Variants in OXCT1 observed in about 807,000 individuals in gnomAD.
OXCT1 encodes the protein succinyl-CoA:3-ketoacid coenzyme A transferase 1, mitochondrial.
Under a neutral mutation model 69.6 loss-of-function variants are expected in OXCT1, and 27 were observed. The observed-to-expected ratio is 0.39, with a 90% CI of 0.29 to 0.54. The LOEUF (loss-of-function observed/expected upper bound fraction) is 0.54, where lower values mean the gene tolerates loss of function less well. Among genes scored for constraint, OXCT1 ranks in the 20% least tolerant of loss-of-function variants. The pLI is 0.72. For missense variants in OXCT1, 437 were observed against 650.2 expected, an observed-to-expected ratio of 0.67 and a Z score of 3.57; for synonymous variants, 202 against 217.8, an observed-to-expected ratio of 0.93 and a Z score of 0.64.
chr5:41,770,131 T>C (rs1375857506), intron 13 of OXCT1, among the ~76,000 whole-genome samples: 1 of 152,246 alleles, frequency 6.6e-6, no homozygotes, highest in East Asian at 1.9e-4. Context: ...TAATACATGA[T>C]AGCTTGTTTT....
At chr5:41,800,696 G>A (rs1344945057) in intron 11 of OXCT1, among the ~76,000 whole-genome samples, 2 of 151,824 alleles carry the variant, frequency 1.3e-5, no homozygotes, top group Admixed American at 6.6e-5. Flanking sequence ...TCCTTTCTTG[G>A]TCTCTTTTAA....
intron 13 of OXCT1, among the ~76,000 whole-genome samples, chr5:41,764,491 T>C (rs1421536230): frequency 6.6e-6 from 1 of 152,166 alleles, no homozygotes; most frequent in East Asian, 1.9e-4. Flanking sequence ...CTGGAAAAGC[T>C]TGTTGCCTAT....
At chr5:41,740,914 G>A (rs1276669783) in intron 15 of OXCT1, among the ~76,000 whole-genome samples, 1 of 150,796 alleles carries the variant, frequency 6.6e-6, no homozygotes, top group Non-Finnish European at 1.5e-5. Context: ...CTCCTCTACA[G>A]TTAACCTAAA....
chr5:41,848,830 T>G (rs954744576), intron 5 of OXCT1, among the ~76,000 whole-genome samples: 1 of 151,982 alleles, frequency 6.6e-6, no homozygotes, highest in African/African-American at 2.4e-5. Flanking sequence ...CCATAAAAAC[T>G]CTAGAAGAAA....
Position 41,850,175 on chromosome 5 carries a change from G to T in OXCT1, c.419C>A (p.Thr140Lys). Residue 140 changes from threonine (T) to lysine (K), a missense_variant, in exon 5 of 17, where the codon ACA (threonine) becomes AAA (lysine). Thr to Lys is a moderately conservative substitution (Grantham distance 78, BLOSUM62 -1). Around this residue, in one of 4 missense-constraint regions of OXCT1, gnomAD observed 252 missense variants for 397.4 expected, o/e 0.63. Coordinates refer to ENST00000196371, the MANE Select transcript of OXCT1 (RefSeq NM_000436.4). Reference sequence around the variant, plus strand: ...GCCTGCACGGATCCTCTCTGCAAGTGTGCCCTGCAAGTGAGCAACCAACAC... The same window carrying T: ...GCCTGCACGGATCCTCTCTGCAAGTTTGCCCTGCAAGTGAGCAACCAACAC... ...ELEVELTPQGTLAERIRAGGA... is the reference protein window; with the variant it reads ...ELEVELTPQGKLAERIRAGGA... The T allele has an allele frequency of 6.2e-7, 1 of 1,613,504 alleles. No individual in the cohort carries two copies. The highest frequency in any genetic ancestry group is 8.5e-7 in the Non-Finnish European group (1 of 1,179,812).
At chr5:41,824,973 T>C (rs1747732462) in intron 7 of OXCT1, among the ~76,000 whole-genome samples, 1 of 152,202 alleles carries the variant, frequency 6.6e-6, no homozygotes, top group Non-Finnish European at 1.5e-5. Flanking sequence ...TCACAATACA[T>C]GGCAAAACTT....
At chr5:41,862,614 A>G in intron 2 of OXCT1, 28 bp downstream of exon 2, 2 of 1,175,486 alleles carry the variant, frequency 1.7e-6, no homozygotes, top group Non-Finnish European at 2.6e-6. Flanking sequence ...GGACATTACC[A>G]TAACATGAAA....
intron 7 of OXCT1, among the ~76,000 whole-genome samples, chr5:41,812,049 T>C (rs898121090): frequency 2.6e-5 from 4 of 152,094 alleles, no homozygotes; most frequent in Admixed American, 6.6e-5. Context: ...TTCATCACAG[T>C]CTGCTGATAA....
intron 13 of OXCT1, among the ~76,000 whole-genome samples, chr5:41,793,285 G>T (rs995863301): frequency 6.6e-6 from 1 of 152,148 alleles, no homozygotes; most frequent in Non-Finnish European, 1.5e-5. Context: ...AAGAGCAACC[G>T]GGCTACCAGC....
chr5:41,793,595 T>A (rs908048545), intron 13 of OXCT1, among the ~76,000 whole-genome samples: 3 of 152,234 alleles, frequency 2.0e-5, no homozygotes, highest in African/African-American at 7.2e-5. Flanking sequence ...CAAGATGATT[T>A]CAATCACTGA....
Position 41,762,379 on chromosome 5 carries a change from A to G in OXCT1, c.1249-179T>C, listed in dbSNP as rs1388716971. The stretch of plus-strand genomic sequence containing the variant: ...CTCTATTATTCTGTGGTTGAAGGAT[A>G]AAGTTCAGGATAAACATTACATCAC... On this transcript the variant is annotated intron_variant, in intron 13 of 16. Transcript: ENST00000196371. This position sits in a 1 kb window ranked among gnomAD's most constrained non-coding sequence, Gnocchi z 4.0. 2.0e-5 allele frequency among the ~76,000 whole-genome samples: 3 copies of G among 152,172 alleles called. No homozygotes were observed. Among genetic ancestry groups the G allele is most frequent in the African/African-American group, 7.2e-5 (3 of 41,454 alleles).
intron 13 of OXCT1, among the ~76,000 whole-genome samples, chr5:41,792,685 A>G (rs1449667746): frequency 6.6e-6 from 1 of 152,224 alleles, no homozygotes; most frequent in African/African-American, 2.4e-5. Context: ...ACTATGGCTG[A>G]TTCTGAAAGA....
In OXCT1 at chr5:41,767,707, AAT is replaced by A. The variant is rs200592208; in HGVS notation, c.1249-5509_1249-5508del. Among the ~76,000 whole-genome samples, 581 of 90,324 alleles carry A rather than the reference AAT, an allele frequency of 6.4e-3. 6 individuals are homozygous for A. Among genetic ancestry groups the A allele is most frequent in the African/African-American group, 0.025 (448 of 17,652 alleles). The allele number at this position is 90,324 out of a possible 152,430, so 59.3% of individuals were successfully genotyped here. A position where few individuals can be genotyped will look rare whatever the true frequency, so the allele number is the denominator to read the frequency against. ...TCTACTATATATCTATCTAGTATCT[AAT>A]ATATATGTGTGTGTATATATATATA... On this transcript the variant is annotated intron_variant, in intron 13 of 16. Transcript: ENST00000196371.
At position 41,857,590 on chromosome 5, in the gene OXCT1, GCTCTCTC is replaced by G. The variant is rs386687604; in HGVS notation, c.278+3717_278+3723del. ...AAATGTTGGGATTTATATTCCTCTG[GCTCTCTC>G]CCTGAGAAGTTACAGCCTATTGGAT... On this transcript the variant is annotated intron_variant, in intron 3 of 16. Coordinates refer to ENST00000196371, the MANE Select transcript of OXCT1 (RefSeq NM_000436.4). Among the ~76,000 whole-genome samples the G allele has an allele frequency of 1.9e-3, 286 of 152,246 alleles. 4 individuals are homozygous for G. Among genetic ancestry groups the G allele is most frequent in the African/African-American group, 6.4e-3 (267 of 41,540 alleles).
chr5:41,832,605 G>A (rs1561113196), intron 7 of OXCT1, among the ~76,000 whole-genome samples: 3 of 151,956 alleles, frequency 2.0e-5, no homozygotes, highest in Non-Finnish European at 4.4e-5. Flanking sequence ...TTAATGCCCA[G>A]ACACCAACAA....
At chr5:41,790,943 G>T (rs908325313) in intron 13 of OXCT1, among the ~76,000 whole-genome samples, 4 of 152,126 alleles carry the variant, frequency 2.6e-5, no homozygotes, top group Non-Finnish European at 4.4e-5. Flanking sequence ...TTTTACCAGT[G>T]TATTTTAAGG....
chr5:41,758,090 A>G (rs1424379337), intron 14 of OXCT1, among the ~76,000 whole-genome samples: 1 of 152,094 alleles, frequency 6.6e-6, no homozygotes, highest in Non-Finnish European at 1.5e-5. Flanking sequence ...TAACAGGGAT[A>G]AACAGAGTAG....
intron 15 of OXCT1, among the ~76,000 whole-genome samples, chr5:41,745,413 G>T (rs1236914694): frequency 6.6e-6 from 1 of 152,086 alleles, no homozygotes; most frequent in East Asian, 1.9e-4. Context: ...TGTGTAGAGG[G>T]AAATTTATAG....
intron 13 of OXCT1, among the ~76,000 whole-genome samples, chr5:41,787,083 T>C (rs1745671989): frequency 6.6e-6 from 1 of 152,110 alleles, no homozygotes; most frequent in Non-Finnish European, 1.5e-5. Flanking sequence ...GATACCAGTG[T>C]TGGTAATAGA....
Sources: allele counts gnomAD v4.1 joint callset (sites outside exome capture counted in the v4.1 genomes callset), GRCh38; gene constraint gnomAD v4.1.1; regional missense constraint gnomAD v4.1.1; non-coding constraint Gnocchi (gnomAD v3.1); transcripts MANE v1.5; gene names NCBI Gene and HGNC (gene_info 2026-07-23, HGNC 2026-07-21).